The following COL11A1 variants were observed in gnomAD, a reference collection of about 807,000 sequenced individuals.
COL11A1 encodes the protein collagen alpha-1(XI) chain.
In COL11A1, 74 loss-of-function variants were observed where a neutral mutation model predicts 265.2. That is an observed-to-expected ratio of 0.28 (90% CI 0.23 to 0.34). The LOEUF (loss-of-function observed/expected upper bound fraction) is 0.34, where lower values mean the gene tolerates loss of function less well. COL11A1 is among the 10% of genes least tolerant of loss of function. The probability of loss-of-function intolerance (pLI) is 1.00; values close to 1 mark genes in which losing one functional copy is unlikely to be tolerated. For synonymous variants in COL11A1, 816 were observed against 727.6 expected (o/e 1.12, Z -1.96); for missense variants, 2,165 against 2,263.6 (o/e 0.96, Z 0.88).
chr1:103,065,981 A>AG (rs1671109719), intron 4 of COL11A1, among the ~76,000 whole-genome samples: 1 of 152,144 alleles, frequency 6.6e-6, no homozygotes, highest in Admixed American at 6.5e-5. Context: ...CAGGGACCAG[A>AG]GACAAAACAT....
At chr1:103,100,480 A>T (rs1674165769) in intron 1 of COL11A1, 1 of 152,356 alleles carries the variant, frequency 6.6e-6, no homozygotes. Flanking sequence ...AGGTTTGTCC[A>T]TAAAATGGTA....
chr1:103,070,688 A>C (rs1319769006), intron 4 of COL11A1, among the ~76,000 whole-genome samples: 3 of 151,956 alleles, frequency 2.0e-5, no homozygotes, highest in Non-Finnish European at 4.4e-5. Context: ...TAATATTTGC[A>C]GTTTATTGTG....
intron 46 of COL11A1, among the ~76,000 whole-genome samples, chr1:102,925,589 T>C (rs567767300): frequency 3.4e-4 from 52 of 152,174 alleles, no homozygotes; most frequent in Non-Finnish European, 6.3e-4. Flanking sequence ...CATCATCTGA[T>C]GACTGTTTCT....
intron 1 of COL11A1, among the ~76,000 whole-genome samples, chr1:103,095,874 A>G (rs1280764733): frequency 1.3e-5 from 2 of 152,054 alleles, no homozygotes; most frequent in African/African-American, 4.8e-5. Context: ...AAATCTTTCT[A>G]TGTACTCTAT....
rs112596718 is a variant in COL11A1 at position 103,015,968 on chromosome 1, T to C, written c.1414-226A>G. Among the ~76,000 whole-genome samples the C allele has an allele frequency of 0.044, 6,719 of 152,102 alleles. 247 individuals carry two copies. Among genetic ancestry groups the C allele is most frequent in the African/African-American group, 0.097 (4,041 of 41,492 alleles). ...ATTAATATATAATCCAATTAAGCTA[T>C]AAATTTTGCTCAAACTTTGTTCACA... On this transcript the variant is annotated intron_variant, in intron 11 of 66. Transcript: ENST00000370096.
chr1:103,042,909 T>C (rs1668925343), intron 4 of COL11A1, among the ~76,000 whole-genome samples: 1 of 149,234 alleles, frequency 6.7e-6, no homozygotes, highest in Admixed American at 6.8e-5. Flanking sequence ...ATATAGAAAT[T>C]GGTATCATGT....
chr1:102,992,552 G>A (rs1664242967), intron 28 of COL11A1, among the ~76,000 whole-genome samples: 1 of 151,690 alleles, frequency 6.6e-6, no homozygotes, highest in South Asian at 2.1e-4. Context: ...AATAAATAAG[G>A]CATATTAAAA....
intron 43 of COL11A1, among the ~76,000 whole-genome samples, chr1:102,939,481 T>G (rs1043297137): frequency 1.3e-5 from 2 of 152,066 alleles, no homozygotes; most frequent in Non-Finnish European, 2.9e-5. Context: ...AGGTGAAAGG[T>G]TGGGCCCAGG....
In COL11A1 at chr1:102,886,658, A is replaced by G. The variant is rs376333278; in HGVS notation, c.4858+149T>C. 7.9e-6 allele frequency: 9 copies of G among 1,140,562 alleles called. No homozygotes were observed. The East Asian group carries it at 9.9e-5, about 12-fold the overall frequency. 70.7% of individuals were successfully genotyped at this position (1,140,562 alleles called of 1,614,324 possible). A position where few individuals can be genotyped will look rare whatever the true frequency, so the allele number is the denominator to read the frequency against. On this transcript the variant is annotated intron_variant, in intron 63 of 66. Transcript: ENST00000370096. Reference sequence around the variant, plus strand: ...GCAAATCTTGATTTATGCAGTATAAATGATTTTTTCTGTCTAGAAGATAAT... The same window carrying G: ...GCAAATCTTGATTTATGCAGTATAAGTGATTTTTTCTGTCTAGAAGATAAT...
chr1:103,061,099 G>C (rs957433218), intron 4 of COL11A1, among the ~76,000 whole-genome samples: 9 of 152,062 alleles, frequency 5.9e-5, no homozygotes, highest in African/African-American at 2.2e-4. Flanking sequence ...AAGAAAACAG[G>C]AGTAGCTAAA....
At chr1:102,924,216 G>T (rs553797053) in intron 46 of COL11A1, among the ~76,000 whole-genome samples, 14 of 152,084 alleles carry the variant, frequency 9.2e-5, no homozygotes, top group Admixed American at 9.2e-4. Flanking sequence ...GCAAGACTCC[G>T]TCTCCAAAAG....
At chr1:103,058,805 T>C (rs1242637485) in intron 4 of COL11A1, among the ~76,000 whole-genome samples, 1 of 152,166 alleles carries the variant, frequency 6.6e-6, no homozygotes, top group Non-Finnish European at 1.5e-5. Flanking sequence ...ATATATAAGA[T>C]GGTATATGCT....
chr1:103,097,095 T>A (rs1340853863), intron 1 of COL11A1, among the ~76,000 whole-genome samples: 1 of 152,008 alleles, frequency 6.6e-6, no homozygotes, highest in African/African-American at 2.4e-5. Context: ...CCCAGTTCAC[T>A]GACTGTCAGA....
chr1:103,082,700 A>G, intron 2 of COL11A1, 105 bp downstream of exon 2: 2 of 1,011,800 alleles, frequency 2.0e-6, no homozygotes, highest in South Asian at 3.0e-5. Flanking sequence ...ATCTAACCTG[A>G]TAAAAATACT....
intron 54 of COL11A1, among the ~76,000 whole-genome samples, chr1:102,905,384 TA>T (rs1653833210): frequency 8.7e-6 from 1 of 114,400 alleles, no homozygotes; most frequent in African/African-American, 3.5e-5. Context: ...AATAATAAAA[TA>T]AAAATTAAAA....
At chr1:103,088,197 C>G (rs982831284) in intron 1 of COL11A1, among the ~76,000 whole-genome samples, 1 of 152,122 alleles carries the variant, frequency 6.6e-6, no homozygotes, top group Non-Finnish European at 1.5e-5. Flanking sequence ...AGTAGTGAAC[C>G]GCATCATTAC....
At chr1:103,040,700 TAAAAC>T (rs1441108618) in intron 4 of COL11A1, among the ~76,000 whole-genome samples, 2 of 151,774 alleles carry the variant, frequency 1.3e-5, no homozygotes, top group Non-Finnish European at 3.0e-5. Context: ...AAGAGGATTT[TAAAAC>T]AAAATGAAAA....
At chr1:102,920,713 G>A (rs1655890298) in intron 48 of COL11A1, among the ~76,000 whole-genome samples, 1 of 152,114 alleles carries the variant, frequency 6.6e-6, no homozygotes, top group African/African-American at 2.4e-5. Flanking sequence ...CACTGGTTAA[G>A]AATTACATAA....
chr1:103,083,122 GA>G (rs1246411405), intron 1 of COL11A1, 150 bp from the exon 2 acceptor site: 4 of 676,890 alleles, frequency 5.9e-6, no homozygotes, highest in Non-Finnish European at 9.9e-6. Context: ...GGAGTTTGGA[GA>G]GTGGGGCAGC....
Sources: gnomAD v4.1 joint callset for allele counts (sites outside exome capture counted in the v4.1 genomes callset) on GRCh38, gnomAD v4.1.1 for gene constraint, MANE v1.5 for transcripts, NCBI Gene and HGNC (gene_info 2026-07-23, HGNC 2026-07-21) for gene names.